Variants in PCDHA6 observed in about 807,000 individuals in gnomAD.
PCDHA6 encodes protocadherin alpha-6.
A neutral mutation model predicts 60.3 loss-of-function variants in PCDHA6; 55 were observed. That is an observed-to-expected ratio of 0.91 (90% confidence interval 0.73 to 1.14). The LOEUF is 1.14. Among genes scored for constraint, PCDHA6 ranks in the 50% most tolerant of loss-of-function variants. PCDHA6 has a pLI of 0.00. For missense variants in PCDHA6, 1,327 were observed against 1,256.5 expected, an observed-to-expected ratio of 1.06 and a Z score of -0.85; for synonymous variants, 652 against 557.9, an observed-to-expected ratio of 1.17 and a Z score of -2.38.
chr5:140,836,506 CCA>C, intron 1 of PCDHA6: 2 of 1,613,884 alleles, frequency 1.2e-6, no homozygotes, highest in Non-Finnish European at 1.7e-6. Context: ...TGCGCGGTGT[CCA>C]GTCTGTTGGT....
intron 1 of PCDHA6, among the ~76,000 whole-genome samples, chr5:140,878,995 A>G (rs2057802646): frequency 6.6e-6 from 1 of 152,246 alleles, no homozygotes; most frequent in South Asian, 2.1e-4. Context: ...AAATGAGAGT[A>G]TGCCCTAGAA....
At chr5:140,958,133 G>T (rs1472500802) in intron 1 of PCDHA6, among the ~76,000 whole-genome samples, 2 of 152,046 alleles carry the variant, frequency 1.3e-5, no homozygotes, top group East Asian at 3.8e-4. Flanking sequence ...ATGTATCAGT[G>T]TGTATATTTA....
intron 1 of PCDHA6, chr5:140,876,299 A>G: frequency 1.2e-6 from 2 of 1,614,062 alleles, no homozygotes; most frequent in South Asian, 2.2e-5. Context: ...CTTAATGGAG[A>G]AATTTCCTAT....
chr5:140,840,414 T>C (rs1377292591), intron 1 of PCDHA6, among the ~76,000 whole-genome samples: 1 of 151,872 alleles, frequency 6.6e-6, no homozygotes, highest in Non-Finnish European at 1.5e-5. Flanking sequence ...ATACTTCAAA[T>C]AATAGGCTAG....
chr5:140,843,522 C>A lies in PCDHA6; in HGVS notation c.2394+13037C>A, dbSNP rs1554140167. 1.9e-6 allele frequency: 3 copies of A among 1,595,678 alleles called. No individual in the cohort carries two copies. In the South Asian group the frequency reaches 3.3e-5, roughly 18 times the overall value. On this transcript the variant is annotated intron_variant, in intron 1 of 3. Transcript: ENST00000529310. ...CTGCCCACTGAGGGCGGGTGCCGGGCGGGCAAGCCCACTCTGGTGTGCTCC... is the reference window on the plus strand; with the variant it reads ...CTGCCCACTGAGGGCGGGTGCCGGGAGGGCAAGCCCACTCTGGTGTGCTCC...
At chr5:140,943,326 G>A (rs1407826029) in intron 1 of PCDHA6, among the ~76,000 whole-genome samples, 10 of 149,948 alleles carry the variant, frequency 6.7e-5, no homozygotes, top group African/African-American at 2.5e-4. Flanking sequence ...ATATTGTGTA[G>A]TATCCATTGG....
chr5:140,955,889 G>A (rs246016), intron 1 of PCDHA6, among the ~76,000 whole-genome samples: 85,633 of 151,918 alleles, frequency 0.56, 24,754 homozygotes, highest in African/African-American at 0.69. Flanking sequence ...ATTCCTAGGT[G>A]TTTTATTCTC....
At chr5:140,880,630 C>T (rs2058401400) in intron 1 of PCDHA6, among the ~76,000 whole-genome samples, 2 of 152,122 alleles carry the variant, frequency 1.3e-5, no homozygotes, top group Admixed American at 1.3e-4. Context: ...AGTTAATTAT[C>T]AATTCACTTG....
chr5:140,920,588 G>A lies in PCDHA6; in HGVS notation c.2395-58361G>A, dbSNP rs561082502. 2.0e-5 allele frequency among the ~76,000 whole-genome samples: 3 copies of A among 152,284 alleles called. No individual in the cohort carries two copies. The South Asian group carries it at 6.2e-4, about 32-fold the overall frequency. On this transcript the variant is annotated intron_variant, in intron 1 of 3. Transcript: ENST00000529310. ...AGGCCAGGAGCAGTGGCTCACGCCT[G>A]TAATCCCAGCACTTTGGGAGGCCGA...
At chr5:140,877,467 G>C (rs1554169776) in intron 1 of PCDHA6, 3 of 1,613,752 alleles carry the variant, frequency 1.9e-6, no homozygotes, top group African/African-American at 2.7e-5. Flanking sequence ...CGGCCACGGT[G>C]CTGGTGTCGC....
At chr5:140,965,281 G>A (rs574183012) in intron 1 of PCDHA6, among the ~76,000 whole-genome samples, 1 of 152,310 alleles carries the variant, frequency 6.6e-6, no homozygotes, top group African/African-American at 2.4e-5. Flanking sequence ...GACACAGCAT[G>A]GAAAGATTTC....
At chr5:140,968,639 GC>G in intron 1 of PCDHA6, 1 of 1,614,150 alleles carries the variant, frequency 6.2e-7, no homozygotes, top group Non-Finnish European at 8.5e-7. Context: ...TTACCATCTA[GC>G]CCAGACTTCT....
chr5:140,954,777 T>C (rs1563274185), intron 1 of PCDHA6, among the ~76,000 whole-genome samples: 1 of 152,214 alleles, frequency 6.6e-6, no homozygotes, highest in African/African-American at 2.4e-5. Flanking sequence ...TTAATTTAAT[T>C]AGATCTCATT....
chr5:140,968,966 T>C (rs781901506), intron 1 of PCDHA6: 1 of 1,614,216 alleles, frequency 6.2e-7, no homozygotes, highest in East Asian at 2.2e-5. Context: ...GTGCTACCGC[T>C]ACACTGCGTA....
intron 1 of PCDHA6, chr5:140,849,831 G>A (rs2041164266): frequency 6.3e-7 from 1 of 1,598,450 alleles, no homozygotes; most frequent in African/African-American, 1.3e-5. Context: ...TGTGGAGGTG[G>A]CCGACGTGAA....
intron 1 of PCDHA6, among the ~76,000 whole-genome samples, chr5:140,920,075 G>T (rs190821804): frequency 6.6e-6 from 1 of 152,316 alleles, no homozygotes; most frequent in Admixed American, 6.5e-5. Flanking sequence ...GGCAGAAACA[G>T]ATTCTCCGTA....
chr5:140,840,057 T>C (rs1217899995), intron 1 of PCDHA6, among the ~76,000 whole-genome samples: 1 of 152,054 alleles, frequency 6.6e-6, no homozygotes, highest in Non-Finnish European at 1.5e-5. Flanking sequence ...TCTAATGTCT[T>C]GACAATTAGT....
intron 1 of PCDHA6, among the ~76,000 whole-genome samples, chr5:140,845,336 T>C (rs2150378543): frequency 6.7e-6 from 1 of 149,694 alleles, no homozygotes; most frequent in Non-Finnish European, 1.5e-5. Context: ...TACTGAATTC[T>C]CCTAAACATT....
chr5:140,932,469 A>T (rs1356318037), intron 1 of PCDHA6, among the ~76,000 whole-genome samples: 12 of 152,030 alleles, frequency 7.9e-5, no homozygotes, highest in African/African-American at 2.4e-4. Context: ...TATATAGGAA[A>T]TAGGATATCT....
Sources: allele counts gnomAD v4.1 joint callset (sites outside exome capture counted in the v4.1 genomes callset), GRCh38; gene constraint gnomAD v4.1.1; transcripts MANE v1.5; gene names NCBI Gene and HGNC (gene_info 2026-07-23, HGNC 2026-07-21).